Variants in SKA1 observed in about 807,000 individuals in gnomAD.
SKA1 encodes the protein SKA complex subunit 1.
SKA1 carries 20 observed loss-of-function variants against 31.8 expected under a neutral mutation model. The ratio of observed to expected loss-of-function variants is 0.63; its 90% CI spans 0.44 to 0.91. The LOEUF (loss-of-function observed/expected upper bound fraction) is 0.91. Among genes scored for constraint, SKA1 ranks in the 40% least tolerant of loss-of-function variants. SKA1 has a pLI of 0.00. For synonymous variants in SKA1, 88 were observed against 100.5 expected (o/e 0.88, Z 0.74); for missense variants, 253 against 298.2 (o/e 0.85, Z 1.12).
chr18:50,381,929 G>T (rs1163192547), intron 3 of SKA1, among the ~76,000 whole-genome samples, 200 bp from the exon 4 acceptor site: 1 of 152,092 alleles, frequency 6.6e-6, no homozygotes, highest in African/African-American at 2.4e-5. Context: ...GTTTCACAGT[G>T]TTAGTGGGGA....
At chr18:50,385,612 C>A (rs988941961) in intron 5 of SKA1, among the ~76,000 whole-genome samples, 1 of 152,126 alleles carries the variant, frequency 6.6e-6, no homozygotes, top group African/African-American at 2.4e-5. Flanking sequence ...ATTTACCAAT[C>A]ATATTATAGA....
intron 6 of SKA1, among the ~76,000 whole-genome samples, chr18:50,391,877 T>C (rs1164855732): frequency 6.6e-6 from 1 of 152,228 alleles, no homozygotes; most frequent in Non-Finnish European, 1.5e-5. Context: ...GAAAAGTGAA[T>C]TGTTCAAGCG....
At chr18:50,376,212 A>C (rs750819162) in intron 2 of SKA1, among the ~76,000 whole-genome samples, 10 of 152,230 alleles carry the variant, frequency 6.6e-5, no homozygotes, top group Non-Finnish European at 1.2e-4. Context: ...TTCTACAGCT[A>C]AATAGAGATA....
In SKA1 at chr18:50,389,375, C is replaced by CTTTT. The variant is rs756288352; in HGVS notation, c.450-1727_450-1724dup. Among the ~76,000 whole-genome samples, 299 of 85,912 alleles carry CTTTT rather than the reference C, an allele frequency of 3.5e-3. 3 individuals are homozygous for CTTTT. Among genetic ancestry groups the CTTTT allele is most frequent in the African/African-American group, 0.013 (250 of 19,940 alleles). The allele number at this position is 85,912 out of a possible 152,430, so 56.4% of individuals were successfully genotyped here. ...TCATTTTGTCATTTCCTTTACCTTT[C>CTTTT]TTTTTTTTTTTTTTTTTTTTTTTTT... On this transcript the variant is annotated intron_variant, in intron 5 of 6. Transcript: ENST00000285116.
At chr18:50,382,087 G>A (rs1338913159) in intron 3 of SKA1, 42 bp from the exon 4 acceptor site, 3 of 1,121,218 alleles carry the variant, frequency 2.7e-6, no homozygotes, top group Non-Finnish European at 3.9e-6. Flanking sequence ...AAACACACAT[G>A]GGGAGGACAG....
chr18:50,380,013 C>G, intron 2 of SKA1, 113 bp from the exon 3 acceptor site: 2 of 883,540 alleles, frequency 2.3e-6, no homozygotes, highest in South Asian at 5.1e-5. Flanking sequence ...AGCAGTAGAC[C>G]TTTTTCCACC....
chr18:50,392,174 T>C lies in SKA1; in HGVS notation c.695T>C (p.Leu232Pro). 2 of 1,611,002 alleles carry C rather than the reference T, an allele frequency of 1.2e-6. No homozygotes were observed. Among genetic ancestry groups the C allele is most frequent in the Admixed American group, 1.7e-5 (1 of 58,778 alleles). The change falls in exon 7 of 7, where the codon CTG (leucine) becomes CCG (proline). Residue 232 changes from leucine to proline, a missense_variant. Coordinates refer to ENST00000285116, the MANE Select transcript of SKA1 (RefSeq NM_145060.4). ...GCTGACAAGAAGTTTCACGTGTTAC[T>C]GAATATTTTACGACACTGCCGGAGG... Reference protein sequence around the residue: ...LKADKKFHVLLNILRHCRRLS... With the variant: ...LKADKKFHVLPNILRHCRRLS...
At chr18:50,386,106 G>A (rs891585419) in intron 5 of SKA1, among the ~76,000 whole-genome samples, 1 of 152,010 alleles carries the variant, frequency 6.6e-6, no homozygotes. Flanking sequence ...TGTTATTATA[G>A]CAATGTAGTT....
intron 4 of SKA1, among the ~76,000 whole-genome samples, chr18:50,384,530 A>G (rs948385187): frequency 2.0e-5 from 3 of 152,254 alleles, no homozygotes; most frequent in African/African-American, 2.4e-5. Context: ...TGACTCCGCA[A>G]TACACAGGGA....
intron 5 of SKA1, among the ~76,000 whole-genome samples, chr18:50,386,137 T>C (rs2041305709): frequency 6.6e-6 from 1 of 152,184 alleles, no homozygotes; most frequent in African/African-American, 2.4e-5. Flanking sequence ...TACAACTTAC[T>C]ATCCTTTTAT....
At chr18:50,387,460 G>A (rs2041319259) in intron 5 of SKA1, among the ~76,000 whole-genome samples, 1 of 152,092 alleles carries the variant, frequency 6.6e-6, no homozygotes, top group Non-Finnish European at 1.5e-5. Flanking sequence ...AGAGTTCTTT[G>A]CATATCTTTC....
At chr18:50,381,825 A>C (rs1202526297) in intron 3 of SKA1, among the ~76,000 whole-genome samples, 2 of 149,240 alleles carry the variant, frequency 1.3e-5, no homozygotes, top group Admixed American at 1.4e-4. Context: ...TCCCAGGTTC[A>C]AGCAGTTCTC....
rs758834361 is a variant in SKA1 at position 50,382,130 on chromosome 18, A to G, written c.215A>G (p.Glu72Gly). Residue 72 changes from glutamate to glycine, a missense_variant and splice_region_variant, in exon 4 of 7, where the codon GAA (glutamate) becomes GGA (glycine). Transcript: ENST00000285116. ...YQEQTNNSLK[E>G]LCESLEEDYK... is the part of the protein sequence containing the mutation. ...TTTGTGAGCACTTTTAAATTTTAGG[A>G]ACTCTGTGAATCTCTTGAAGAAGAT... 1.9e-5 allele frequency: 28 copies of G among 1,513,426 alleles called. No homozygotes were observed. The highest frequency in any genetic ancestry group is 2.2e-5 in the Non-Finnish European group (25 of 1,129,320). The allele number at this position is 1,513,426 out of a possible 1,614,324, so 93.7% of individuals were successfully genotyped here. A position where few individuals can be genotyped will look rare whatever the true frequency, so the allele number is the denominator to read the frequency against.
chr18:50,385,446 A>G, intron 5 of SKA1, 93 bp downstream of exon 5: 1 of 1,086,890 alleles, frequency 9.2e-7, no homozygotes, highest in South Asian at 1.9e-5. Flanking sequence ...GTAATATGCT[A>G]TGTTCAAATA....
At chr18:50,391,391 T>G in intron 6 of SKA1, 98 bp downstream of exon 6, 13 of 1,180,226 alleles carry the variant, frequency 1.1e-5, no homozygotes, top group Non-Finnish European at 1.5e-5. Flanking sequence ...AAATCTAGAG[T>G]GTTAATTCCC....
intron 5 of SKA1, among the ~76,000 whole-genome samples, chr18:50,390,614 T>A (rs2041348972): frequency 1.3e-5 from 2 of 152,190 alleles, no homozygotes; most frequent in South Asian, 4.1e-4. Context: ...CCCTACCCCA[T>A]CAGTTCTCCT....
intron 5 of SKA1, among the ~76,000 whole-genome samples, chr18:50,388,491 T>C (rs2041329079): frequency 6.6e-6 from 1 of 151,924 alleles, no homozygotes; most frequent in Admixed American, 6.6e-5. Flanking sequence ...GTTAGTTCAC[T>C]AATACGTTCC....
chr18:50,378,474 T>A (rs933112837), intron 2 of SKA1, among the ~76,000 whole-genome samples: 1 of 152,096 alleles, frequency 6.6e-6, no homozygotes, highest in Non-Finnish European at 1.5e-5. Flanking sequence ...CTTAGGAGTT[T>A]GAGACCAGCC....
chr18:50,386,951 C>T (rs1267731862), intron 5 of SKA1, among the ~76,000 whole-genome samples: 1 of 152,162 alleles, frequency 6.6e-6, no homozygotes, highest in East Asian at 1.9e-4. Flanking sequence ...TAGTTCCTTC[C>T]AGTTTGGTGC....
Sources: gnomAD v4.1 joint callset for allele counts (sites outside exome capture counted in the v4.1 genomes callset) on GRCh38, gnomAD v4.1.1 for gene constraint, MANE v1.5 for transcripts, NCBI Gene and HGNC (gene_info 2026-07-23, HGNC 2026-07-21) for gene names.